The following CCDC175 variants were observed in gnomAD, a reference collection of about 807,000 sequenced individuals.
CCDC175 encodes coiled-coil domain containing 175, also known as coiled-coil domain-containing protein 175.
In CCDC175, 100 loss-of-function variants were observed where a neutral mutation model predicts 114.6. The observed-to-expected ratio is 0.87, with a 90% confidence interval of 0.74 to 1.03. The LOEUF is 1.03. Among genes scored for constraint, CCDC175 ranks in the 50% least tolerant of loss-of-function variants. The pLI, the probability that CCDC175 is intolerant of heterozygous loss-of-function variation, is 0.00. For synonymous variants in CCDC175, 306 were observed against 308.7 expected, an observed-to-expected ratio of 0.99 and a Z score of 0.09; for missense variants, 880 against 917.8, an observed-to-expected ratio of 0.96 and a Z score of 0.53.
chr14:59,553,298 G>T lies in CCDC175; in HGVS notation c.954-1862C>A, dbSNP rs543361405. 4.6e-5 allele frequency among the ~76,000 whole-genome samples: 7 copies of T among 152,286 alleles called. No homozygotes were observed. In the East Asian group the frequency reaches 1.3e-3, roughly 29 times the overall value. ...AAACTCTACAAGCCAGAAGAGAGTG[G>T]GGACCAATATTCAACATTCTTAAAG... On this transcript the variant is annotated intron_variant, in intron 7 of 19. Transcript: ENST00000537690.
chr14:59,545,402 G>T (rs893699068), intron 8 of CCDC175, 103 bp from the exon 9 acceptor site: 2 of 950,126 alleles, frequency 2.1e-6, no homozygotes, highest in Non-Finnish European at 1.5e-6. Context: ...ATATTGCTTA[G>T]CCCACCGTGA....
intron 3 of CCDC175, among the ~76,000 whole-genome samples, chr14:59,569,735 C>CT (rs754557457): frequency 2.2e-4 from 33 of 152,118 alleles, no homozygotes; most frequent in Non-Finnish European, 4.3e-4. Flanking sequence ...TAAACCCACT[C>CT]TATCAGTCAG....
intron 7 of CCDC175, among the ~76,000 whole-genome samples, chr14:59,552,989 T>A (rs1302916906): frequency 6.6e-6 from 1 of 152,192 alleles, no homozygotes; most frequent in African/African-American, 2.4e-5. Flanking sequence ...CTACGTCTGA[T>A]TGGTGTACCT....
chr14:59,520,934 T>A (rs943857839), intron 17 of CCDC175, among the ~76,000 whole-genome samples: 1 of 152,364 alleles, frequency 6.6e-6, no homozygotes, highest in Non-Finnish European at 1.5e-5. Flanking sequence ...GCATGTACAT[T>A]TGTCAAATTC....
chr14:59,517,659 C>T (rs6573264), intron 17 of CCDC175, among the ~76,000 whole-genome samples: 58,904 of 151,842 alleles, frequency 0.39, 12,172 homozygotes, highest in African/African-American at 0.52. Flanking sequence ...CACTGCTCAA[C>T]GAAATAAAAG....
chr14:59,536,156 C>G (rs1170474053), intron 13 of CCDC175, among the ~76,000 whole-genome samples: 1 of 152,152 alleles, frequency 6.6e-6, no homozygotes, highest in Non-Finnish European at 1.5e-5. Flanking sequence ...TCCCACCACC[C>G]CTGGCACTCC....
intron 6 of CCDC175, 30 bp downstream of exon 6, chr14:59,563,707 T>G: frequency 8.5e-6 from 11 of 1,289,382 alleles, no homozygotes; most frequent in Non-Finnish European, 1.1e-5. Context: ...AGATAAGGCT[T>G]AAAAATATAT....
chr14:59,551,576 C>T, intron 7 of CCDC175, 140 bp from the exon 8 acceptor site: 1 of 493,848 alleles, frequency 2.0e-6, no homozygotes, highest in South Asian at 3.3e-5. Context: ...GCATTTCCAA[C>T]CGAAGTACCG....
At chr14:59,554,806 T>C (rs1895772838) in intron 7 of CCDC175, among the ~76,000 whole-genome samples, 1 of 151,966 alleles carries the variant, frequency 6.6e-6, no homozygotes, top group Non-Finnish European at 1.5e-5. Context: ...CCCACAGAAA[T>C]GCAAACTACC....
chr14:59,528,437 TC>T (rs1893873711), intron 14 of CCDC175, among the ~76,000 whole-genome samples: 1 of 152,130 alleles, frequency 6.6e-6, no homozygotes, highest in Non-Finnish European at 1.5e-5. Context: ...TTTTATTAGT[TC>T]TTTAAAAACA....
chr14:59,531,000 A>C (rs557906296), intron 14 of CCDC175, among the ~76,000 whole-genome samples: 60 of 152,184 alleles, frequency 3.9e-4, no homozygotes, highest in African/African-American at 1.3e-3. Context: ...CTCAAAACCC[A>C]AAAAGATGAT....
At chr14:59,562,458 G>A (rs1043832302) in intron 6 of CCDC175, among the ~76,000 whole-genome samples, 21 of 152,208 alleles carry the variant, frequency 1.4e-4, no homozygotes, top group African/African-American at 5.1e-4. Context: ...ATGCTCTGCA[G>A]TAGGCAATAT....
At chr14:59,519,417 C>T (rs987081982) in intron 17 of CCDC175, among the ~76,000 whole-genome samples, 2 of 151,954 alleles carry the variant, frequency 1.3e-5, no homozygotes, top group African/African-American at 2.4e-5. Flanking sequence ...GGGGTAGGCA[C>T]AAATGTTTTA....
At chr14:59,540,955 GAATA>G (rs1894748738) in intron 10 of CCDC175, among the ~76,000 whole-genome samples, 2 of 152,178 alleles carry the variant, frequency 1.3e-5, no homozygotes, top group African/African-American at 4.8e-5. Flanking sequence ...CGGTTGTGGT[GAATA>G]GCCAAGGATA....
At chr14:59,508,399 T>TACAC (rs71451066) in intron 19 of CCDC175, among the ~76,000 whole-genome samples, 2,862 of 97,326 alleles carry the variant, frequency 0.029, 117 homozygotes, top group Non-Finnish European at 0.037. Flanking sequence ...GTCTCCAAAA[T>TACAC]ACACACACAC....
chr14:59,551,565 T>G (rs1895485754), intron 7 of CCDC175, 129 bp from the exon 8 acceptor site: 11 of 499,092 alleles, frequency 2.2e-5, no homozygotes, highest in Admixed American at 8.0e-5. Flanking sequence ...GGGTGATTTC[T>G]GCATTTCCAA....
rs952499976 is a variant in CCDC175, at chr14:59,545,196, T to G, written c.1139A>C (p.Lys380Thr). Residue 380 changes from lysine (K) to threonine (T), a missense_variant, in exon 9 of 20, where the codon AAA becomes ACA. By Grantham distance (78) the Lys-to-Thr change is moderately conservative (BLOSUM62 -1). Coordinates refer to ENST00000537690, the MANE Select transcript of CCDC175 (RefSeq NM_001164399.2). Reference protein sequence around the residue: ...QYKIVLSEEEKAFLQKQKIHD... With the variant: ...QYKIVLSEEETAFLQKQKIHD... ...AATCTTTTGTTTTTGCAAAAAAGCTTTTTCTTCCTCACTTAAAACAATCTT... is the reference window on the plus strand; with the variant it reads ...AATCTTTTGTTTTTGCAAAAAAGCTGTTTCTTCCTCACTTAAAACAATCTT... 1.3e-6 allele frequency: 2 copies of G among 1,536,896 alleles called. No homozygotes were observed. The highest frequency in any genetic ancestry group is 2.7e-5 in the African/African-American group (2 of 73,012).
chr14:59,509,598 G>A (rs1456911015), intron 19 of CCDC175, among the ~76,000 whole-genome samples: 2 of 152,018 alleles, frequency 1.3e-5, no homozygotes, highest in Non-Finnish European at 2.9e-5. Context: ...CTGCAGGCTC[G>A]ACCTCCCAGG....
chr14:59,519,406 T>G (rs1893296592), intron 17 of CCDC175, among the ~76,000 whole-genome samples: 3 of 152,108 alleles, frequency 2.0e-5, no homozygotes, highest in Non-Finnish European at 4.4e-5. Context: ...TTGAAGAGCC[T>G]GGGGTAGGCA....
Sources: allele counts gnomAD v4.1 joint callset (sites outside exome capture counted in the v4.1 genomes callset), GRCh38; gene constraint gnomAD v4.1.1; transcripts MANE v1.5; gene names NCBI Gene and HGNC (gene_info 2026-07-23, HGNC 2026-07-21).